Variants in CSMD3 observed in about 807,000 individuals in gnomAD.
CSMD3 encodes CUB and Sushi multiple domains 3.
A neutral mutation model predicts 435.2 loss-of-function variants in CSMD3; 177 were observed. The ratio of observed to expected loss-of-function variants is 0.41; its 90% CI spans 0.36 to 0.46. The LOEUF is 0.46. Ranked by LOEUF, CSMD3 falls within the 20% of genes least tolerant of loss-of-function variation. The probability of loss-of-function intolerance (pLI) is 0.34; values close to 1 mark genes in which losing one functional copy is unlikely to be tolerated. For missense variants in CSMD3, 4,265 were observed against 4,504.6 expected (o/e 0.95, Z 1.52); for synonymous variants, 1,656 against 1,520.5 (o/e 1.09, Z -2.07).
At chr8:113,118,518 TG>T (rs1219215170) in intron 4 of CSMD3, among the ~76,000 whole-genome samples, 1 of 152,148 alleles carries the variant, frequency 6.6e-6, no homozygotes, top group Non-Finnish European at 1.5e-5. Context: ...TATTACTGAC[TG>T]GGCATGGTGG....
Position 113,314,788 on chromosome 8 carries a change from T to G in CSMD3, c.184A>C (p.Ile62Leu). The change falls in exon 2 of 71, where the codon ATT (isoleucine) becomes CTT (leucine). Residue 62 changes from isoleucine (I) to leucine (L), a missense_variant. Physicochemically the swap from Ile to Leu is conservative, Grantham distance 5. This residue lies in a region of CSMD3 where 731 missense variants were observed against 755.4 expected (regional missense o/e 0.97). Transcript: ENST00000297405. Reference protein sequence around the residue: ...LLTVSCVKGFIYTCGGTLKGL... With the variant: ...LLTVSCVKGFLYTCGGTLKGL... Reference sequence around the variant, plus strand: ...TTTAAAGTTCCACCACATGTATAAATAAATCCTGCAACAAAAGACAATAAA... The same window carrying G: ...TTTAAAGTTCCACCACATGTATAAAGAAATCCTGCAACAAAAGACAATAAA... 1.3e-6 allele frequency: 2 copies of G among 1,586,008 alleles called. No individual in the cohort carries two copies. The highest frequency in any genetic ancestry group is 1.7e-6 in the Non-Finnish European group (2 of 1,155,162).
intron 32 of CSMD3, among the ~76,000 whole-genome samples, chr8:112,422,970 A>G (rs1356465372): frequency 2.0e-5 from 3 of 152,266 alleles, no homozygotes; most frequent in Non-Finnish European, 4.4e-5. Context: ...ATATTCCTTT[A>G]GTTACTTAAC....
intron 5 of CSMD3, among the ~76,000 whole-genome samples, chr8:113,026,392 G>A (rs1188261951): frequency 6.6e-6 from 1 of 152,144 alleles, no homozygotes; most frequent in East Asian, 1.9e-4. Context: ...ATTCACTCTA[G>A]TTGGAATGTA....
intron 32 of CSMD3, among the ~76,000 whole-genome samples, chr8:112,468,242 T>G (rs1478715716): frequency 2.6e-5 from 4 of 151,300 alleles, no homozygotes; most frequent in Admixed American, 1.3e-4. Flanking sequence ...GTATTTTTTT[T>G]TTTTTTTTTT....
chr8:112,410,810 T>C (rs1586235013), intron 32 of CSMD3, among the ~76,000 whole-genome samples: 1 of 148,842 alleles, frequency 6.7e-6, no homozygotes, highest in South Asian at 2.1e-4. Flanking sequence ...GTTTCTATTA[T>C]ATAAAGCAGA....
intron 32 of CSMD3, among the ~76,000 whole-genome samples, chr8:112,465,294 A>T (rs1466231466): frequency 6.6e-6 from 1 of 152,162 alleles, no homozygotes; most frequent in Non-Finnish European, 1.5e-5. Flanking sequence ...GACTCCATCC[A>T]ATTATCAGAT....
intron 41 of CSMD3, among the ~76,000 whole-genome samples, 171 bp from the exon 42 acceptor site, chr8:112,341,857 G>A (rs1477667028): frequency 1.3e-5 from 2 of 152,056 alleles, no homozygotes; most frequent in Non-Finnish European, 1.5e-5. Flanking sequence ...AGGTAACTTT[G>A]CTGAGGTTCA....
rs573719949 is a variant in CSMD3, at chr8:112,616,184, A to C, written c.3715+20633T>G. On this transcript the variant is annotated intron_variant, in intron 22 of 70. Coordinates refer to ENST00000297405, the MANE Select transcript of CSMD3 (RefSeq NM_198123.2). ...GAAATCAGTATAATTACAGTGCCAA[A>C]TTTGTGGTTGCTGTGTAGATTAAAT... 4.6e-5 allele frequency among the ~76,000 whole-genome samples: 7 copies of C among 152,238 alleles called. No homozygotes were observed. The South Asian group carries it at 1.4e-3, about 32-fold the overall frequency.
chr8:113,285,953 T>C (rs949116062), intron 2 of CSMD3, among the ~76,000 whole-genome samples: 1 of 152,208 alleles, frequency 6.6e-6, no homozygotes, highest in Non-Finnish European at 1.5e-5. Context: ...TATTTTGTCA[T>C]GGACCAGGAC....
At chr8:112,936,897 T>C (rs2083296082) in intron 9 of CSMD3, among the ~76,000 whole-genome samples, 1 of 152,156 alleles carries the variant, frequency 6.6e-6, no homozygotes, top group Non-Finnish European at 1.5e-5. Context: ...CAATAAAATA[T>C]TACCATAATT....
In CSMD3 at chr8:113,197,902, T is replaced by C. The variant is rs747559570; in HGVS notation, c.515-23986A>G. 4.0e-5 allele frequency among the ~76,000 whole-genome samples: 6 copies of C among 151,362 alleles called. No individual in the cohort carries two copies. In the Admixed American group the frequency reaches 4.0e-4, roughly 10 times the overall value. The stretch of plus-strand genomic sequence containing the variant: ...AGAACTAAATGGAGAGAATGTTTTA[T>C]ATAAAATGCTTACCATAAGAGGATT... On this transcript the variant is annotated intron_variant, in intron 3 of 70. Transcript: ENST00000297405.
intron 6 of CSMD3, among the ~76,000 whole-genome samples, chr8:113,018,515 C>T (rs184496291): frequency 7.9e-5 from 12 of 152,244 alleles, no homozygotes; most frequent in Admixed American, 1.3e-4. Context: ...TATTACAGAA[C>T]ATTGTAGAAG....
intron 4 of CSMD3, among the ~76,000 whole-genome samples, chr8:113,148,594 C>T (rs879312409): frequency 4.0e-5 from 6 of 151,646 alleles, no homozygotes; most frequent in Non-Finnish European, 7.4e-5. Flanking sequence ...CAAATAGTGG[C>T]TTAAAGAATG....
chr8:113,076,746 C>A (rs2089354059), intron 5 of CSMD3, among the ~76,000 whole-genome samples: 1 of 151,742 alleles, frequency 6.6e-6, no homozygotes, highest in South Asian at 2.1e-4. Flanking sequence ...AGAAGGATGG[C>A]AAAAGAACTA....
chr8:112,399,320 G>T (rs1831122365), intron 35 of CSMD3, among the ~76,000 whole-genome samples: 1 of 151,380 alleles, frequency 6.6e-6, no homozygotes, highest in South Asian at 2.1e-4. Flanking sequence ...GAGTGCAATG[G>T]TGTATTCTTG....
chr8:112,915,726 C>T (rs1288536869), intron 10 of CSMD3, among the ~76,000 whole-genome samples: 2 of 151,696 alleles, frequency 1.3e-5, no homozygotes, highest in South Asian at 2.1e-4. Flanking sequence ...CAATCAATAA[C>T]CATCATTCTG....
Position 113,355,749 on chromosome 8 carries a change from T to TACACACAC in CSMD3, c.179-40964_179-40957dup, listed in dbSNP as rs1554618938. Among the ~76,000 whole-genome samples, 476 of 81,308 alleles carry TACACACAC rather than the reference T, an allele frequency of 5.9e-3. 18 individuals carry two copies. The highest frequency in any genetic ancestry group is 0.025 in the African/African-American group (455 of 17,980). 53.3% of individuals were successfully genotyped at this position (81,308 alleles called of 152,430 possible). A position where few individuals can be genotyped will look rare whatever the true frequency, so the allele number is the denominator to read the frequency against. On this transcript the variant is annotated intron_variant, in intron 1 of 70. Coordinates refer to ENST00000297405, the MANE Select transcript of CSMD3 (RefSeq NM_198123.2). ...ATATATATATATATATATATATATA[T>TACACACAC]ACACACACACACACACACGGGGTGT...
intron 32 of CSMD3, among the ~76,000 whole-genome samples, chr8:112,459,039 T>C (rs1817156613): frequency 6.6e-6 from 1 of 152,042 alleles, no homozygotes; most frequent in South Asian, 2.1e-4. Flanking sequence ...ACTGCCTAAA[T>C]TAATCCCCTC....
chr8:112,373,788 G>T (rs78233961), intron 38 of CSMD3, among the ~76,000 whole-genome samples: 2 of 152,166 alleles, frequency 1.3e-5, no homozygotes, highest in Admixed American at 6.5e-5. Flanking sequence ...ATTATTGGGC[G>T]GGCGGGAATC....
Sources: allele counts gnomAD v4.1 joint callset (sites outside exome capture counted in the v4.1 genomes callset), GRCh38; gene constraint gnomAD v4.1.1; regional missense constraint gnomAD v4.1.1; transcripts MANE v1.5; gene names NCBI Gene and HGNC (gene_info 2026-07-23, HGNC 2026-07-21).